Variants in PCDHA7 observed in about 807,000 individuals in gnomAD.
The protein encoded by PCDHA7 is protocadherin alpha-7.
A neutral mutation model predicts 57.2 loss-of-function variants in PCDHA7; 37 were observed. The ratio of observed to expected loss-of-function variants is 0.65; its 90% CI spans 0.50 to 0.85. The LOEUF (loss-of-function observed/expected upper bound fraction) is 0.85. Ranked by LOEUF, PCDHA7 falls within the 40% of genes least tolerant of loss-of-function variation. The pLI, the probability that PCDHA7 is intolerant of heterozygous loss-of-function variation, is 0.00. For synonymous variants in PCDHA7, 553 were observed against 558.8 expected, an observed-to-expected ratio of 0.99 and a Z score of 0.15; for missense variants, 1,188 against 1,241.8, an observed-to-expected ratio of 0.96 and a Z score of 0.65.
intron 1 of PCDHA7, among the ~76,000 whole-genome samples, chr5:140,961,887 G>GT (rs35680913): frequency 0.069 from 9,857 of 143,718 alleles, 798 homozygotes; most frequent in African/African-American, 0.2. Flanking sequence ...ACTTACATCA[G>GT]TTTTTTTTTT....
At chr5:140,998,273 A>G (rs1448303020) in intron 3 of PCDHA7, among the ~76,000 whole-genome samples, 1 of 152,216 alleles carries the variant, frequency 6.6e-6, no homozygotes, top group East Asian at 1.9e-4. Context: ...ACTGACACCC[A>G]TAGGATTAAA....
chr5:140,877,713 T>C (rs2057302382), intron 1 of PCDHA7: 1 of 1,613,318 alleles, frequency 6.2e-7, no homozygotes, highest in African/African-American at 1.3e-5. Flanking sequence ...CCGTGGGGAG[T>C]TGGTCTTACT....
chr5:140,934,858 CTT>C (rs1462067711), intron 1 of PCDHA7, among the ~76,000 whole-genome samples: 1 of 152,136 alleles, frequency 6.6e-6, no homozygotes, highest in African/African-American at 2.4e-5. Flanking sequence ...GCTCCTGAGT[CTT>C]TGTGAGTGTG....
At chr5:140,907,564 C>A (rs782642591) in intron 1 of PCDHA7, among the ~76,000 whole-genome samples, 1 of 152,228 alleles carries the variant, frequency 6.6e-6, no homozygotes, top group African/African-American at 2.4e-5. Flanking sequence ...ATATAATCAA[C>A]TTGCCACCAG....
At chr5:140,887,906 T>C (rs2061622663) in intron 1 of PCDHA7, among the ~76,000 whole-genome samples, 1 of 152,198 alleles carries the variant, frequency 6.6e-6, no homozygotes, top group Admixed American at 6.5e-5. Context: ...TCCTAAACAG[T>C]GTATTCTTCA....
At chr5:140,869,163 C>T in intron 1 of PCDHA7, 1 of 1,613,910 alleles carries the variant, frequency 6.2e-7, no homozygotes, top group Non-Finnish European at 8.5e-7. Flanking sequence ...GGCTTCTCCT[C>T]CTCGAATTCT....
chr5:140,928,940 AT>A (rs573936635), intron 1 of PCDHA7: 94 of 1,614,062 alleles, frequency 5.8e-5, no homozygotes, highest in Non-Finnish European at 7.9e-5. Flanking sequence ...CAGAACTTGT[AT>A]TTAGTAATTG....
intron 1 of PCDHA7, among the ~76,000 whole-genome samples, chr5:140,961,629 A>G (rs970820292): frequency 6.6e-6 from 1 of 152,162 alleles, no homozygotes; most frequent in Non-Finnish European, 1.5e-5. Flanking sequence ...CATATGAAAA[A>G]CAATCTTAAG....
chr5:140,961,793 A>G (rs1554225592), intron 1 of PCDHA7, among the ~76,000 whole-genome samples: 2 of 152,166 alleles, frequency 1.3e-5, no homozygotes, highest in Admixed American at 1.3e-4. Flanking sequence ...TTTTTAAAAG[A>G]TAGGAAATTG....
intron 1 of PCDHA7, among the ~76,000 whole-genome samples, chr5:140,895,931 C>A (rs1365477787): frequency 5.3e-5 from 8 of 152,210 alleles, no homozygotes; most frequent in African/African-American, 1.9e-4. Flanking sequence ...CTGCCTCAGC[C>A]TCCCGAGTAG....
chr5:140,965,976 G>A (rs2095953776), intron 1 of PCDHA7, among the ~76,000 whole-genome samples: 1 of 152,154 alleles, frequency 6.6e-6, no homozygotes, highest in Non-Finnish European at 1.5e-5. Context: ...CCTAGGAGTT[G>A]AGCACTTTCT....
rs782722148 is a variant in PCDHA7 at position 140,857,308 on chromosome 5, T to C, written c.2355+20570T>C. 3.4e-5 allele frequency: 54 copies of C among 1,598,232 alleles called. 3 individuals carry two copies. The highest frequency in any genetic ancestry group is 4.5e-5 in the Non-Finnish European group (53 of 1,167,612). On this transcript the variant is annotated intron_variant, in intron 1 of 3. Transcript: ENST00000525929. ...TGGACCGCGAGAGGGTGTCGGCCTA[T>C]GAGCTGGTGGTGACCGCGCGGGACG...
chr5:140,870,194 C>G, intron 1 of PCDHA7: 1 of 1,614,168 alleles, frequency 6.2e-7, no homozygotes, highest in Non-Finnish European at 8.5e-7. Context: ...GACGCTCAGC[C>G]CAGCACGGTC....
intron 3 of PCDHA7, among the ~76,000 whole-genome samples, chr5:141,009,094 C>T (rs1350235475): frequency 6.6e-6 from 1 of 152,176 alleles, no homozygotes; most frequent in Non-Finnish European, 1.5e-5. Flanking sequence ...AAGAACCAAA[C>T]ATATGTTACT....
At chr5:140,954,947 T>G (rs2153704420) in intron 1 of PCDHA7, among the ~76,000 whole-genome samples, 1 of 152,360 alleles carries the variant, frequency 6.6e-6, no homozygotes, top group South Asian at 2.1e-4. Flanking sequence ...AGTTAATTTT[T>G]GTATAAGATG....
At chr5:140,980,842 T>C (rs376646751) in intron 2 of PCDHA7, among the ~76,000 whole-genome samples, 2 of 152,328 alleles carry the variant, frequency 1.3e-5, no homozygotes, top group Non-Finnish European at 2.9e-5. Flanking sequence ...ACCTAAATAA[T>C]ACTAATCTTT....
chr5:140,963,932 A>C (rs564788639), intron 1 of PCDHA7, among the ~76,000 whole-genome samples: 74 of 152,352 alleles, frequency 4.9e-4, no homozygotes, highest in African/African-American at 1.6e-3. Context: ...ACATGTCCAT[A>C]GCCAAACAGT....
intron 1 of PCDHA7, chr5:140,968,562 C>G: frequency 6.2e-7 from 1 of 1,614,208 alleles, no homozygotes; most frequent in South Asian, 1.1e-5. Flanking sequence ...CGAACTGCCC[C>G]TGCTGGCTAC....
intron 3 of PCDHA7, among the ~76,000 whole-genome samples, chr5:140,998,571 T>G (rs2097822082): frequency 1.0e-5 from 1 of 96,286 alleles, no homozygotes; most frequent in African/African-American, 3.7e-5. Flanking sequence ...GTAAATAAGT[T>G]TTTTTTTTTT....
Sources: allele counts gnomAD v4.1 joint callset (sites outside exome capture counted in the v4.1 genomes callset), GRCh38; gene constraint gnomAD v4.1.1; transcripts MANE v1.5; gene names NCBI Gene and HGNC (gene_info 2026-07-23, HGNC 2026-07-21).